The following EXOG variants were observed in gnomAD, a reference collection of about 807,000 sequenced individuals.
The protein encoded by EXOG is nuclease EXOG, mitochondrial.
In EXOG, 27 loss-of-function variants were observed where a neutral mutation model predicts 25.8. That is an observed-to-expected ratio of 1.05 (90% CI 0.77 to 1.45). EXOG has a LOEUF of 1.45. Among genes scored for constraint, EXOG ranks in the 40% most tolerant of loss-of-function variants. The pLI, the probability that EXOG is intolerant of heterozygous loss-of-function variation, is 0.00. For missense variants in EXOG, 458 were observed against 450.5 expected (o/e 1.02, Z -0.15); for synonymous variants, 133 against 167.0 (o/e 0.80, Z 1.57).
chr3:38,516,866 C>G (rs893939156), intron 5 of EXOG, among the ~76,000 whole-genome samples: 3 of 152,036 alleles, frequency 2.0e-5, no homozygotes, highest in Non-Finnish European at 4.4e-5. Context: ...TTGGGTTTGT[C>G]TGTTGTTTGC....
At chr3:38,498,957 A>ATTCC in intron 2 of EXOG, 1 of 456,720 alleles carries the variant, frequency 2.2e-6, no homozygotes, top group Non-Finnish European at 4.4e-6. Flanking sequence ...TCCTAGCATC[A>ATTCC]TTGTTTCTTC....
At chr3:38,521,535 C>A (rs1261023328) in intron 5 of EXOG, among the ~76,000 whole-genome samples, 1 of 152,200 alleles carries the variant, frequency 6.6e-6, no homozygotes, top group Admixed American at 6.5e-5. Context: ...GAGAGAAAAT[C>A]AAGTGAATGT....
intron 1 of EXOG, chr3:38,497,427 T>C (rs971286921): frequency 7.4e-7 from 1 of 1,346,634 alleles, no homozygotes; most frequent in African/African-American, 1.5e-5. Flanking sequence ...GGCAAATCAG[T>C]ACTTTGCCTA....
At chr3:38,523,588 G>A (rs1430169594) in intron 5 of EXOG, among the ~76,000 whole-genome samples, 1 of 151,998 alleles carries the variant, frequency 6.6e-6, no homozygotes, top group East Asian at 1.9e-4. Flanking sequence ...GGCTGGTCTT[G>A]AACTCCTGAC....
chr3:38,518,143 T>C (rs1345749137), intron 5 of EXOG, among the ~76,000 whole-genome samples: 1 of 151,994 alleles, frequency 6.6e-6, no homozygotes, highest in Non-Finnish European at 1.5e-5. Flanking sequence ...GGTTAAGAAA[T>C]AGAGATGTGG....
At position 38,518,441 on chromosome 3, in the gene EXOG, G is replaced by C. The variant is rs923272424; in HGVS notation, c.646-5460G>C. On this transcript the variant is annotated intron_variant, in intron 5 of 5. Transcript: ENST00000287675. ...GGGGACACAGCATTGCCCAGTGCTG[G>C]AGACTGGTCTGTTTCTCTCAAGCAA... Among the ~76,000 whole-genome samples the C allele has an allele frequency of 2.0e-5, 3 of 152,172 alleles. No homozygotes were observed. The East Asian group carries it at 5.8e-4, about 29-fold the overall frequency.
Position 38,524,245 on chromosome 3 carries a change from A to ATT in EXOG, c.990_991insTT (p.Asn331LeufsTer3). On this transcript the variant is annotated frameshift_variant, in exon 6 of 6. Coordinates refer to ENST00000287675, the MANE Select transcript of EXOG (RefSeq NM_005107.4). LOFTEE classifies it low-confidence loss of function (END_TRUNC). ...TGCTCAGACTGGAAAAGATCATGGA[A>ATT]AACTTGAAGAATGCAGAGATTGAAC... 6.2e-7 allele frequency: 1 copy of ATT among 1,614,190 alleles called. No individual in the cohort carries two copies. Among genetic ancestry groups the ATT allele is most frequent in the South Asian group, 1.1e-5 (1 of 91,082 alleles).
chr3:38,498,430 CTG>C (rs765621955), intron 2 of EXOG, among the ~76,000 whole-genome samples: 110 of 152,154 alleles, frequency 7.2e-4, no homozygotes, highest in Non-Finnish European at 1.4e-3. Flanking sequence ...TGGTGCACCT[CTG>C]TGGTTCCAGC....
At chr3:38,507,602 A>G (rs188775639) in intron 5 of EXOG, among the ~76,000 whole-genome samples, 2 of 152,328 alleles carry the variant, frequency 1.3e-5, no homozygotes, top group African/African-American at 4.8e-5. Flanking sequence ...CTAAGAAGTC[A>G]TAGATTTGTT....
intron 5 of EXOG, among the ~76,000 whole-genome samples, chr3:38,520,125 A>G (rs2060668284): frequency 6.6e-6 from 1 of 152,130 alleles, no homozygotes; most frequent in Non-Finnish European, 1.5e-5. Flanking sequence ...AGGCACATTT[A>G]CAGTATGTAT....
chr3:38,515,912 T>C (rs1474007366), intron 5 of EXOG: 1 of 152,258 alleles, frequency 6.6e-6, no homozygotes, highest in South Asian at 2.1e-4. Context: ...CTGCTACTTT[T>C]GTGAGTTGTA....
In EXOG at chr3:38,520,808, G is replaced by A. The variant is rs192777205; in HGVS notation, c.646-3093G>A. On this transcript the variant is annotated intron_variant, in intron 5 of 5. Transcript: ENST00000287675. ...TAGCAATCCACCCACGGGGATGGCT[G>A]TTACGTATTTTGTAAATGAAGAAAC... Among the ~76,000 whole-genome samples the A allele has an allele frequency of 1.6e-4, 25 of 152,324 alleles. 1 individual carries two copies. The highest frequency in any genetic ancestry group is 1.6e-3 in the Admixed American group (25 of 15,306).
intron 1 of EXOG, 150 bp downstream of exon 1, chr3:38,496,680 C>G: frequency 1.4e-6 from 2 of 1,442,456 alleles, no homozygotes; most frequent in Non-Finnish European, 1.8e-6. Context: ...ATTCTCCCGG[C>G]TCGGCCTCCC....
chr3:38,507,667 G>A (rs774049867), intron 5 of EXOG, among the ~76,000 whole-genome samples: 1 of 152,156 alleles, frequency 6.6e-6, no homozygotes, highest in African/African-American at 2.4e-5. Flanking sequence ...TTTGGCAGCA[G>A]CGTGTAAAGA....
At chr3:38,517,587 T>C (rs1256584753) in intron 5 of EXOG, among the ~76,000 whole-genome samples, 3 of 152,226 alleles carry the variant, frequency 2.0e-5, no homozygotes, top group Admixed American at 2.0e-4. Flanking sequence ...ACATTTATTT[T>C]TAGCCTTTTG....
At chr3:38,500,091 G>A (rs1037845502) in intron 2 of EXOG, 4 of 159,872 alleles carry the variant, frequency 2.5e-5, no homozygotes, top group African/African-American at 9.6e-5. Context: ...CACTCTTAGG[G>A]ACTACATGGA....
chr3:38,508,198 G>A (rs2060261272), intron 5 of EXOG, among the ~76,000 whole-genome samples: 1 of 152,076 alleles, frequency 6.6e-6, no homozygotes, highest in Non-Finnish European at 1.5e-5. Context: ...TTGAATAAAT[G>A]GGAAGAAAAG....
At position 38,498,667 on chromosome 3, in the gene EXOG, G is replaced by A. The variant is rs531607561; in HGVS notation, c.313+889G>A. 18 of 226,900 alleles carry A rather than the reference G, an allele frequency of 7.9e-5. No homozygotes were observed. In the South Asian group the frequency reaches 1.0e-3, roughly 13 times the overall value. The allele number at this position is 226,900 out of a possible 1,614,324, so 14.1% of individuals were successfully genotyped here. On this transcript the variant is annotated intron_variant, in intron 2 of 5. Coordinates refer to ENST00000287675, the MANE Select transcript of EXOG (RefSeq NM_005107.4). ...TGAACGGAAATTACTTAGGCAAGGG[G>A]TTGAATGTGCCATGGGATATGGAGA...
chr3:38,525,905 C>T lies in EXOG; in HGVS notation c.*1543C>T. ...GCTGCGATGGGACATGGTCATGCCA[C>T]TGGACGCCAGCCTGGGCCACAGAGG... On this transcript the variant is annotated 3_prime_UTR_variant, in exon 6 of 6. Transcript: ENST00000287675. The T allele has an allele frequency of 1.1e-6, 1 of 873,590 alleles. No homozygotes were observed. Among genetic ancestry groups the T allele is most frequent in the Non-Finnish European group, 1.4e-6 (1 of 727,916 alleles). The allele number at this position is 873,590 out of a possible 1,614,324, so 54.1% of individuals were successfully genotyped here.
Sources: allele counts gnomAD v4.1 joint callset (sites outside exome capture counted in the v4.1 genomes callset), GRCh38; gene constraint gnomAD v4.1.1; transcripts MANE v1.5; gene names NCBI Gene and HGNC (gene_info 2026-07-23, HGNC 2026-07-21).